PCDHA13: variants seen among roughly 807,000 people sequenced by gnomAD.
PCDHA13 encodes protocadherin alpha-13.
A neutral mutation model predicts 64.8 loss-of-function variants in PCDHA13; 54 were observed. That is an observed-to-expected ratio of 0.83 (90% CI 0.67 to 1.04). PCDHA13 has a LOEUF of 1.04. PCDHA13 is among the 50% of genes least tolerant of loss of function. The probability of loss-of-function intolerance (pLI) is 0.00; values close to 1 mark genes in which losing one functional copy is unlikely to be tolerated. For synonymous variants in PCDHA13, 587 were observed against 564.4 expected, an observed-to-expected ratio of 1.04 and a Z score of -0.57; for missense variants, 1,248 against 1,254.3, an observed-to-expected ratio of 0.99 and a Z score of 0.08.
Position 141,010,239 on chromosome 5 carries a change from G to A in PCDHA13, c.*302G>A. ...AGGCTTCCCAGCCCCGCCAGTGAGA[G>A]GTTGGACTCTCTGCCCTGTGCTCCG... On this transcript the variant is annotated 3_prime_UTR_variant, in exon 4 of 4. Transcript: ENST00000289272. 1 of 1,551,938 alleles carries A rather than the reference G, an allele frequency of 6.4e-7. No homozygotes were observed. Among genetic ancestry groups the A allele is most frequent in the Non-Finnish European group, 8.7e-7 (1 of 1,147,044 alleles).
chr5:140,941,438 C>T (rs1408570275), intron 1 of PCDHA13, among the ~76,000 whole-genome samples: 4 of 150,764 alleles, frequency 2.7e-5, no homozygotes, highest in African/African-American at 7.3e-5. Context: ...GCCTCAGCCT[C>T]GGGAGTAGCT....
intron 1 of PCDHA13, among the ~76,000 whole-genome samples, chr5:140,972,633 T>G (rs1230723429): frequency 6.6e-6 from 1 of 151,644 alleles, no homozygotes; most frequent in Non-Finnish European, 1.5e-5. Context: ...TGGCACTCCC[T>G]TCAGAGTCTC....
At chr5:140,971,845 G>C (rs370364575) in intron 1 of PCDHA13, among the ~76,000 whole-genome samples, 1 of 151,934 alleles carries the variant, frequency 6.6e-6, no homozygotes, top group Non-Finnish European at 1.5e-5. Flanking sequence ...CAAGTCATGC[G>C]TTAAATATTT....
At chr5:140,941,247 C>CT (rs1398354432) in intron 1 of PCDHA13, among the ~76,000 whole-genome samples, 1 of 128,506 alleles carries the variant, frequency 7.8e-6, no homozygotes, top group African/African-American at 2.9e-5. Context: ...TTCTTTCTTT[C>CT]TTTCTTTCTC....
rs180683275 is a variant in PCDHA13 at position 140,985,540 on chromosome 5, T to C, written c.2542+2977T>C. 7.6e-3 allele frequency among the ~76,000 whole-genome samples: 1,162 copies of C among 152,268 alleles called. 7 individuals are homozygous for C. The highest frequency in any genetic ancestry group is 0.012 in the Non-Finnish European group (785 of 68,010). On this transcript the variant is annotated intron_variant, in intron 3 of 3. Coordinates refer to ENST00000289272, the MANE Select transcript of PCDHA13 (RefSeq NM_018904.3). ...TGCCCTTAAAGCTTCACGGTGAAGATGCAGTTGCTTCCAAAAGGCTTCTTT... is the reference window on the plus strand; with the variant it reads ...TGCCCTTAAAGCTTCACGGTGAAGACGCAGTTGCTTCCAAAAGGCTTCTTT...
At chr5:140,934,695 T>G (rs155824) in intron 1 of PCDHA13, among the ~76,000 whole-genome samples, 48,210 of 151,950 alleles carry the variant, frequency 0.32, 7,985 homozygotes, top group East Asian at 0.53. Flanking sequence ...ATGAATTGAT[T>G]CCTGGCCATC....
chr5:140,972,399 T>C (rs1554234105), intron 1 of PCDHA13, among the ~76,000 whole-genome samples: 2 of 152,062 alleles, frequency 1.3e-5, no homozygotes, highest in South Asian at 2.1e-4. Context: ...TGCTTCACTA[T>C]TGGCAAACCC....
chr5:140,946,613 T>A (rs1300820927), intron 1 of PCDHA13, among the ~76,000 whole-genome samples: 1 of 116,702 alleles, frequency 8.6e-6, no homozygotes, highest in South Asian at 2.6e-4. Context: ...AAATGTGAAA[T>A]ATATATATAT....
intron 1 of PCDHA13, among the ~76,000 whole-genome samples, chr5:140,936,910 G>A (rs1221304306): frequency 6.6e-6 from 1 of 152,062 alleles, no homozygotes; most frequent in African/African-American, 2.4e-5. Context: ...TATTGAATCT[G>A]TAGAAAATAT....
Position 141,009,792 on chromosome 5 carries a change from C to G in PCDHA13, c.2708C>G (p.Pro903Arg), listed in dbSNP as rs1359138927. ...SPAIISIRQEPTNSQIDKSDF... is the reference protein window; with the variant it reads ...SPAIISIRQERTNSQIDKSDF... ...GCAATCATCTCCATCCGGCAGGAGC[C>G]TACTAACAGCCAAATTGACAAAAGT... The change falls in exon 4 of 4, where the codon CCT (proline) becomes CGT (arginine). Residue 903 changes from proline (P) to arginine (R), a missense_variant. Physicochemically the swap from Pro to Arg is moderately radical, Grantham distance 103. Coordinates refer to ENST00000289272, the MANE Select transcript of PCDHA13 (RefSeq NM_018904.3). The G allele has an allele frequency of 4.3e-6, 7 of 1,613,950 alleles. 1 individual carries two copies. Among genetic ancestry groups the G allele is most frequent in the Middle Eastern group, 3.3e-4 (2 of 6,084 alleles).
intron 1 of PCDHA13, among the ~76,000 whole-genome samples, chr5:140,915,901 G>A (rs1339531688): frequency 1.3e-5 from 2 of 152,250 alleles, no homozygotes; most frequent in East Asian, 1.9e-4. Flanking sequence ...CCTGGCCCTG[G>A]GCAGGCCCAG....
rs112292443 is a variant in PCDHA13 at position 140,899,661 on chromosome 5, C to T, written c.2394+14999C>T. Among the ~76,000 whole-genome samples the T allele has an allele frequency of 4.4e-3, 665 of 152,224 alleles. 7 individuals carry two copies. Among genetic ancestry groups the T allele is most frequent in the African/African-American group, 0.015 (620 of 41,530 alleles). ...ATTCTCTTATTTGGTTGTGTCTCTGCCCGGCTTTGGTATCAGGATGATGCT... is the reference window on the plus strand; with the variant it reads ...ATTCTCTTATTTGGTTGTGTCTCTGTCCGGCTTTGGTATCAGGATGATGCT... On this transcript the variant is annotated intron_variant, in intron 1 of 3. Transcript: ENST00000289272.
chr5:140,924,830 G>T (rs1240824600), intron 1 of PCDHA13, among the ~76,000 whole-genome samples: 3 of 151,612 alleles, frequency 2.0e-5, no homozygotes, highest in Non-Finnish European at 4.4e-5. Flanking sequence ...GGGAGGGGGA[G>T]GTTGCAGGGA....
In PCDHA13 at chr5:140,927,786, A is replaced by G. The variant is rs782728309; in HGVS notation, c.2394+43124A>G. 11 of 1,614,074 alleles carry G rather than the reference A, an allele frequency of 6.8e-6. No homozygotes were observed. The East Asian group carries it at 2.0e-4, about 29-fold the overall frequency. On this transcript the variant is annotated intron_variant, in intron 1 of 3. Transcript: ENST00000289272. ...GTGGGGAGGTGCAAGTAGCTGCTTC[A>G]CTAGGTCCGCCTGAAACGCTCTTGG...
intron 1 of PCDHA13, among the ~76,000 whole-genome samples, chr5:140,889,953 A>G (rs2062443064): frequency 6.6e-6 from 1 of 152,214 alleles, no homozygotes; most frequent in Non-Finnish European, 1.5e-5. Context: ...AGCCAAATGG[A>G]TAGAAAAATT....
At chr5:140,953,035 C>A (rs2094836412) in intron 1 of PCDHA13, among the ~76,000 whole-genome samples, 1 of 152,116 alleles carries the variant, frequency 6.6e-6, no homozygotes, top group Admixed American at 6.5e-5. Flanking sequence ...GGAAATCCAC[C>A]CCCATGATCC....
chr5:140,988,675 A>C (rs574653772), intron 3 of PCDHA13, among the ~76,000 whole-genome samples: 1 of 152,228 alleles, frequency 6.6e-6, no homozygotes, highest in East Asian at 1.9e-4. Context: ...ACTCTAAGAT[A>C]ATTCTTTCCC....
At chr5:140,973,665 T>C (rs1309458037) in intron 1 of PCDHA13, among the ~76,000 whole-genome samples, 2 of 152,248 alleles carry the variant, frequency 1.3e-5, no homozygotes, top group Non-Finnish European at 2.9e-5. Context: ...CTATTTATTG[T>C]AGCTTGAATG....
At chr5:140,935,894 CTTT>C (rs55841305) in intron 1 of PCDHA13, among the ~76,000 whole-genome samples, 2 of 136,728 alleles carry the variant, frequency 1.5e-5, no homozygotes, top group African/African-American at 2.7e-5. Context: ...TCAATATTAT[CTTT>C]TTTTTTTTTT....
Sources: gnomAD v4.1 joint callset for allele counts (sites outside exome capture counted in the v4.1 genomes callset) on GRCh38, gnomAD v4.1.1 for gene constraint, MANE v1.5 for transcripts, NCBI Gene and HGNC (gene_info 2026-07-23, HGNC 2026-07-21) for gene names.